The following MAP4K4 variants were observed in gnomAD, a reference collection of about 807,000 sequenced individuals.
MAP4K4 encodes HPK/GCK-like kinase HGK.
A neutral mutation model predicts 189.6 loss-of-function variants in MAP4K4; 38 were observed. The ratio of observed to expected loss-of-function variants is 0.20; its 90% confidence interval spans 0.15 to 0.26. MAP4K4 has a LOEUF of 0.26. Among genes scored for constraint, MAP4K4 ranks in the 10% least tolerant of loss-of-function variants. The pLI, the probability that MAP4K4 is intolerant of heterozygous loss-of-function variation, is 1.00. For synonymous variants in MAP4K4, 610 were observed against 624.3 expected (o/e 0.98, Z 0.34); for missense variants, 1,054 against 1,726.9 (o/e 0.61, Z 6.91).
At chr2:101,698,387 C>A in intron 1 of MAP4K4, 86 bp from the exon 2 acceptor site, 1 of 1,268,806 alleles carries the variant, frequency 7.9e-7, no homozygotes, top group Non-Finnish European at 1.2e-6. Context: ...CTTTTGTCAC[C>A]GCCTTTTCTC....
chr2:101,764,339 T>A (rs1276256662), intron 2 of MAP4K4, among the ~76,000 whole-genome samples: 1 of 152,244 alleles, frequency 6.6e-6, no homozygotes, highest in East Asian at 1.9e-4. Context: ...GCCATTATAC[T>A]GAGTGAAAAA....
At chr2:101,819,257 A>G (rs1236064892) in intron 3 of MAP4K4, among the ~76,000 whole-genome samples, 3 of 137,418 alleles carry the variant, frequency 2.2e-5, no homozygotes, top group Non-Finnish European at 3.3e-5. Context: ...CTGGGATGCA[A>G]CCACCAAACA....
chr2:101,856,135 A>G, exon 13 of MAP4K4: 1 of 1,550,282 alleles, frequency 6.5e-7, no homozygotes, highest in Non-Finnish European at 8.7e-7. Flanking sequence ...TTGAAAGAGA[A>G]CAGGTTAGTT....
At chr2:101,738,841 G>T (rs1387480680) in intron 2 of MAP4K4, among the ~76,000 whole-genome samples, 1 of 152,004 alleles carries the variant, frequency 6.6e-6, no homozygotes, top group African/African-American at 2.4e-5. Flanking sequence ...GTGACCTTGG[G>T]AAAGAGACTG....
At chr2:101,842,021 T>G (rs1459839179) in intron 10 of MAP4K4, among the ~76,000 whole-genome samples, 1 of 152,228 alleles carries the variant, frequency 6.6e-6, no homozygotes, top group African/African-American at 2.4e-5. Flanking sequence ...AGAGCAAATT[T>G]TAGTCTCATT....
intron 9 of MAP4K4, among the ~76,000 whole-genome samples, chr2:101,838,257 G>C (rs1251373682): frequency 6.6e-6 from 1 of 152,198 alleles, no homozygotes; most frequent in Non-Finnish European, 1.5e-5. Context: ...TCAGGTATTT[G>C]TATCTTCAAT....
rs145529068 is a variant in MAP4K4 at position 101,808,408 on chromosome 2, G to T, written c.181-15520G>T. ...GCTTCAAGTGAGGTCGTGCTGGGTGGTGAATGTTTTCTTAACTGTTCTCTT... is the reference window on the plus strand; with the variant it reads ...GCTTCAAGTGAGGTCGTGCTGGGTGTTGAATGTTTTCTTAACTGTTCTCTT... On this transcript the variant is annotated intron_variant, in intron 3 of 32. Coordinates refer to ENST00000324219, the Ensembl canonical transcript of MAP4K4. Among the ~76,000 whole-genome samples the T allele has an allele frequency of 2.4e-3, 372 of 152,296 alleles. 6 individuals are homozygous for T. Among genetic ancestry groups the T allele is most frequent in the East Asian group, 0.019 (97 of 5,186 alleles).
At chr2:101,887,991 A>C in intron 31 of MAP4K4, 54 bp downstream of exon 31, 1 of 1,455,814 alleles carries the variant, frequency 6.9e-7, no homozygotes, top group Non-Finnish European at 9.3e-7. Flanking sequence ...CGTGTCTGAG[A>C]CTCCATTTAT....
intron 31 of MAP4K4, among the ~76,000 whole-genome samples, 177 bp downstream of exon 31, chr2:101,888,114 A>T (rs780235194): frequency 6.6e-6 from 1 of 152,252 alleles, no homozygotes; most frequent in African/African-American, 2.4e-5. Context: ...TCATAGGTCT[A>T]TTTTAGAACA....
chr2:101,720,012 CAA>C (rs1396823266), intron 2 of MAP4K4, among the ~76,000 whole-genome samples: 1 of 150,920 alleles, frequency 6.6e-6, no homozygotes, highest in South Asian at 2.1e-4. Context: ...GACTAGGTCT[CAA>C]AAAGAGTTCA....
intron 2 of MAP4K4, among the ~76,000 whole-genome samples, chr2:101,705,455 T>C (rs1471898938): frequency 6.6e-6 from 1 of 152,192 alleles, no homozygotes; most frequent in African/African-American, 2.4e-5. Context: ...CATACTGCAA[T>C]GTGTTCATTT....
chr2:101,818,061 A>G (rs1163107472), intron 3 of MAP4K4, among the ~76,000 whole-genome samples: 2 of 152,212 alleles, frequency 1.3e-5, no homozygotes, highest in African/African-American at 2.4e-5. Context: ...CCAAAAAATA[A>G]AAAATAAATT....
intron 2 of MAP4K4, among the ~76,000 whole-genome samples, chr2:101,719,437 A>G (rs575244572): frequency 1.6e-4 from 24 of 152,282 alleles, no homozygotes; most frequent in African/African-American, 5.5e-4. Context: ...AAGCCATGGC[A>G]GTAAGTTTCT....
intron 2 of MAP4K4, among the ~76,000 whole-genome samples, chr2:101,752,531 C>T (rs1476132164): frequency 6.6e-6 from 1 of 152,152 alleles, no homozygotes; most frequent in East Asian, 1.9e-4. Context: ...TAGCTAAGCT[C>T]ACCCTGTGTA....
rs11895969 is a variant in MAP4K4 at position 101,888,101 on chromosome 2, T to A, written c.3931+164T>A. Among the ~76,000 whole-genome samples, 10,315 of 152,272 alleles carry A rather than the reference T, an allele frequency of 0.068. 460 individuals carry two copies. Among genetic ancestry groups the A allele is most frequent in the African/African-American group, 0.12 (5,190 of 41,542 alleles). ...AAAGTTAGATTGTAGGCCGTGGAAA[T>A]AGTCATAGGTCTATTTTAGAACAAA... On this transcript the variant is annotated intron_variant, in intron 31 of 32. Transcript: ENST00000324219.
intron 2 of MAP4K4, among the ~76,000 whole-genome samples, chr2:101,782,056 A>G (rs1191436769): frequency 6.6e-6 from 1 of 152,206 alleles, no homozygotes; most frequent in African/African-American, 2.4e-5. Context: ...ACTGGATAGT[A>G]ATTAGTGATC....
At chr2:101,807,262 T>C (rs1464693852) in intron 3 of MAP4K4, among the ~76,000 whole-genome samples, 1 of 151,996 alleles carries the variant, frequency 6.6e-6, no homozygotes, top group Non-Finnish European at 1.5e-5. Flanking sequence ...CTCACTATAT[T>C]GCCCAGGCTA....
intron 3 of MAP4K4, among the ~76,000 whole-genome samples, chr2:101,796,371 C>A (rs938402708): frequency 3.3e-5 from 5 of 152,140 alleles, no homozygotes; most frequent in African/African-American, 1.2e-4. Flanking sequence ...TTTGAAACCC[C>A]CTGCTTTAAT....
At chr2:101,714,722 C>T (rs149523058) in intron 2 of MAP4K4, among the ~76,000 whole-genome samples, 10 of 152,238 alleles carry the variant, frequency 6.6e-5, no homozygotes, top group African/African-American at 2.2e-4. Context: ...AACTCTGATA[C>T]GTAAATGTTG....
Sources: allele counts gnomAD v4.1 joint callset (sites outside exome capture counted in the v4.1 genomes callset), GRCh38; gene constraint gnomAD v4.1.1; transcripts MANE v1.5; gene names NCBI Gene and HGNC (gene_info 2026-07-23, HGNC 2026-07-21).